Variants in FAM120B observed in about 807,000 individuals in gnomAD.
FAM120B encodes family with sequence similarity 120 member B.
A neutral mutation model predicts 96.3 loss-of-function variants in FAM120B; 83 were observed. The observed-to-expected ratio is 0.86, with a 90% CI of 0.72 to 1.03. The LOEUF is 1.03. FAM120B is among the 50% of genes least tolerant of loss of function. The pLI, the probability that FAM120B is intolerant of heterozygous loss-of-function variation, is 0.00. For synonymous variants in FAM120B, 407 were observed against 402.7 expected (o/e 1.01, Z -0.13); for missense variants, 1,027 against 1,121.2 (o/e 0.92, Z 1.20).
chr6:170,330,310 A>G (rs770860120), intron 3 of FAM120B, 139 bp from the exon 4 acceptor site: 2 of 604,530 alleles, frequency 3.3e-6, no homozygotes, highest in African/African-American at 1.9e-5. Flanking sequence ...TAATTGTTGG[A>G]TAACTTAAGG....
At chr6:170,342,247 A>T (rs1175276341) in intron 4 of FAM120B, among the ~76,000 whole-genome samples, 1 of 152,132 alleles carries the variant, frequency 6.6e-6, no homozygotes, top group Non-Finnish European at 1.5e-5. Flanking sequence ...TACTCACTTA[A>T]ATTGAACTTG....
chr6:170,362,792 C>T (rs991750844), intron 6 of FAM120B, among the ~76,000 whole-genome samples: 5 of 151,870 alleles, frequency 3.3e-5, no homozygotes, highest in Non-Finnish European at 7.4e-5. Flanking sequence ...AGCCATCCTC[C>T]CACCTCAGCC....
At chr6:170,354,040 A>T (rs1464812681) in intron 5 of FAM120B, among the ~76,000 whole-genome samples, 1 of 152,252 alleles carries the variant, frequency 6.6e-6, no homozygotes, top group African/African-American at 2.4e-5. Flanking sequence ...GGCTACCATA[A>T]CCAAAACAGC....
chr6:170,319,123 A>G lies in FAM120B; in HGVS notation c.1733A>G (p.Lys578Arg), dbSNP rs1785130097. The G allele has an allele frequency of 1.3e-6, 2 of 1,551,702 alleles. No homozygotes were observed. The highest frequency in any genetic ancestry group is 1.7e-6 in the Non-Finnish European group (2 of 1,156,582). ...VTMVSDTEIL[K>R]VARTHHVQAE... is the part of the protein sequence containing the mutation. Reference sequence around the variant, plus strand: ...ATGGTTTCAGACACTGAAATCTTAAAGGTATGTGTATCTGCCCAGCCAATA... The same window carrying G: ...ATGGTTTCAGACACTGAAATCTTAAGGGTATGTGTATCTGCCCAGCCAATA... Residue 578 changes from lysine (K) to arginine (R), a missense_variant and splice_region_variant, in exon 2 of 11, where the codon AAG becomes AGG. Physicochemically the swap from Lys to Arg is conservative, Grantham distance 26. This residue lies in a region of FAM120B where 880 missense variants were observed against 980.9 expected (regional missense o/e 0.90). Transcript: ENST00000476287.
intron 1 of FAM120B, among the ~76,000 whole-genome samples, chr6:170,300,799 C>T (rs561458604): frequency 1.3e-5 from 2 of 152,300 alleles, no homozygotes; most frequent in South Asian, 4.1e-4. Context: ...AAAATGATCC[C>T]CTTTGACTCC....
chr6:170,388,896 C>T (rs539789798), intron 7 of FAM120B, among the ~76,000 whole-genome samples: 123 of 152,190 alleles, frequency 8.1e-4, no homozygotes, highest in African/African-American at 2.6e-3. Context: ...TAACATAAGC[C>T]GTCAATTAAC....
chr6:170,397,959 A>G (rs1778272774), intron 9 of FAM120B, among the ~76,000 whole-genome samples: 1 of 147,780 alleles, frequency 6.8e-6, no homozygotes, highest in Non-Finnish European at 1.5e-5. Context: ...GTAAGAAAGG[A>G]GACCTTCTGC....
chr6:170,307,731 A>T (rs1439666599), intron 1 of FAM120B, among the ~76,000 whole-genome samples: 1 of 152,162 alleles, frequency 6.6e-6, no homozygotes, highest in Non-Finnish European at 1.5e-5. Flanking sequence ...AGCGTTAAAG[A>T]GATTCAGTCT....
chr6:170,321,340 C>G lies in FAM120B; in HGVS notation c.1735-1739C>G, dbSNP rs554281265. On this transcript the variant is annotated intron_variant, in intron 2 of 10. Transcript: ENST00000476287. Reference sequence around the variant, plus strand: ...CAGTTACATTGGATACACGCATAACCACAGCCTTATATCTGTGTCTTCTCT... The same window carrying G: ...CAGTTACATTGGATACACGCATAACGACAGCCTTATATCTGTGTCTTCTCT... 4.6e-5 allele frequency among the ~76,000 whole-genome samples: 7 copies of G among 152,290 alleles called. No homozygotes were observed. The South Asian group carries it at 1.5e-3, about 32-fold the overall frequency.
upstream of FAM120B, chr6:170,290,931 C>T: frequency 2.9e-6 from 2 of 697,928 alleles, no homozygotes; most frequent in East Asian, 5.4e-5. The surrounding 1 kb of genome is among the most constrained non-coding windows in gnomAD (Gnocchi z 4.7). Flanking sequence ...GAGGATCTGG[C>T]TCTCGCCGGC....
chr6:170,386,759 C>G (rs1790209586), intron 6 of FAM120B, among the ~76,000 whole-genome samples: 4 of 152,192 alleles, frequency 2.6e-5, no homozygotes, highest in Non-Finnish European at 5.9e-5. Flanking sequence ...CTAAGTCCAG[C>G]AAAATCCTGA....
At chr6:170,354,946 A>G (rs1359594222) in intron 5 of FAM120B, among the ~76,000 whole-genome samples, 1 of 152,124 alleles carries the variant, frequency 6.6e-6, no homozygotes, top group African/African-American at 2.4e-5. Flanking sequence ...CAAAAAGGAC[A>G]TATATGCAGC....
At position 170,370,319 on chromosome 6, in the gene FAM120B, G is replaced by C. The variant is rs546730656; in HGVS notation, c.2283+12001G>C. ...TTTTCTGAGACGCAGCTACGTCCCC[G>C]AGCTCTTTGTGGAAGACAGGGAAAG... On this transcript the variant is annotated intron_variant, in intron 6 of 10. Transcript: ENST00000476287. The surrounding 1 kb of genome is among the most constrained non-coding windows in gnomAD (Gnocchi z 4.3). Among the ~76,000 whole-genome samples the C allele has an allele frequency of 6.6e-6, 1 of 152,182 alleles. No individual in the cohort carries two copies. The highest frequency in any genetic ancestry group is 6.5e-5 in the Admixed American group (1 of 15,276).
chr6:170,321,742 C>G (rs543733625), intron 2 of FAM120B, among the ~76,000 whole-genome samples: 297 of 152,250 alleles, frequency 2.0e-3, no homozygotes, highest in African/African-American at 6.9e-3. Context: ...AGGACAAGTG[C>G]TTTTCTTATA....
chr6:170,361,198 G>GTATATATATATATATATATATATATA (rs71010657), intron 6 of FAM120B, among the ~76,000 whole-genome samples: 3 of 66,036 alleles, frequency 4.5e-5, no homozygotes, highest in African/African-American at 6.3e-5. Flanking sequence ...ATATATACGT[G>GTATATATATATATATATATATATATA]TATATATATA....
upstream of FAM120B, among the ~76,000 whole-genome samples, chr6:170,304,211 T>C (rs1299452010): frequency 6.6e-6 from 1 of 152,264 alleles, no homozygotes. Context: ...TTGAATTCTA[T>C]GTTAGAATTA....
intron 8 of FAM120B, among the ~76,000 whole-genome samples, chr6:170,392,217 G>GT (rs1160299790): frequency 3.3e-5 from 5 of 151,936 alleles, no homozygotes; most frequent in South Asian, 2.1e-4. Flanking sequence ...TTTGCTTTTT[G>GT]TTTTTTTGAG....
intron 3 of FAM120B, among the ~76,000 whole-genome samples, chr6:170,329,372 G>A (rs968224902): frequency 5.3e-5 from 8 of 152,224 alleles, no homozygotes; most frequent in African/African-American, 1.2e-4. Context: ...CCCATTGTCC[G>A]TCACATGAAT....
intron 9 of FAM120B, among the ~76,000 whole-genome samples, chr6:170,401,637 T>A (rs1778589759): frequency 6.6e-6 from 1 of 152,142 alleles, no homozygotes; most frequent in African/African-American, 2.4e-5. Flanking sequence ...AAGCTACTGA[T>A]AGGAAGCAGA....
Sources: gnomAD v4.1 joint callset for allele counts (sites outside exome capture counted in the v4.1 genomes callset) on GRCh38, gnomAD v4.1.1 for gene constraint, gnomAD v4.1.1 regional missense constraint, Gnocchi (gnomAD v3.1) non-coding constraint, MANE v1.5 for transcripts, NCBI Gene and HGNC (gene_info 2026-07-23, HGNC 2026-07-21) for gene names.